The following MYT1L variants were observed in gnomAD, a reference collection of about 807,000 sequenced individuals.
MYT1L encodes the protein myelin transcription factor 1 like.
MYT1L carries 12 observed loss-of-function variants against 126.7 expected under a neutral mutation model. That is an observed-to-expected ratio of 0.09 (90% CI 0.06 to 0.15). The LOEUF (loss-of-function observed/expected upper bound fraction) is 0.15. MYT1L is among the 10% of genes least tolerant of loss of function. The pLI is 1.00. For synonymous variants in MYT1L, 541 were observed against 604.2 expected (o/e 0.90, Z 1.53); for missense variants, 979 against 1,585.2 (o/e 0.62, Z 6.49).
chr2:1,999,027 G>C (rs1471328296), intron 4 of MYT1L, among the ~76,000 whole-genome samples: 1 of 152,212 alleles, frequency 6.6e-6, no homozygotes, highest in East Asian at 1.9e-4. Flanking sequence ...TGTGCGATTA[G>C]ACAGAATGGG....
chr2:2,021,461 C>G (rs2065023113), intron 4 of MYT1L, among the ~76,000 whole-genome samples: 1 of 152,072 alleles, frequency 6.6e-6, no homozygotes, highest in East Asian at 1.9e-4. Flanking sequence ...TCTGTTCTAT[C>G]TGGAAAATAG....
intron 2 of MYT1L, among the ~76,000 whole-genome samples, chr2:2,226,758 C>A (rs1440941381): frequency 6.6e-6 from 1 of 152,122 alleles, no homozygotes; most frequent in Non-Finnish European, 1.5e-5. Context: ...AGCTGCGGTG[C>A]CTCCTCTCCC....
chr2:2,050,293 T>A (rs2068685665), intron 4 of MYT1L, among the ~76,000 whole-genome samples: 1 of 152,188 alleles, frequency 6.6e-6, no homozygotes, highest in African/African-American at 2.4e-5. Context: ...AGAATATAGA[T>A]TTACAGAGTT....
chr2:2,181,027 T>C (rs1373951612), intron 2 of MYT1L, among the ~76,000 whole-genome samples: 4 of 150,272 alleles, frequency 2.7e-5, no homozygotes, highest in Admixed American at 2.7e-4. Flanking sequence ...CCTGTATCTG[T>C]ACCTGCATGT....
chr2:1,840,831 G>A lies in MYT1L; in HGVS notation c.2787C>T (p.Cys929=). The A allele has an allele frequency of 6.5e-7, 1 of 1,550,064 alleles. No individual in the cohort carries two copies. Residue 929 remains cysteine (C), a synonymous_variant, in exon 20 of 25, where the codon TGC becomes TGT. Transcript: ENST00000647738. ...TGATACCACTTTTCTTTGCTCTTGG[G>A]CAACCTGAAAGGCTAAATAAGAAAC... is the stretch of plus-strand genomic sequence containing the variant. ...NYASHRSLSG[C]PRAKKSGIRI... is the part of the protein sequence containing the mutation.
At position 2,279,556 on chromosome 2, in the gene MYT1L, GGAATGAATGAAT is replaced by G. The variant is rs374691207; in HGVS notation, c.-421+4836_-421+4847del. Among the ~76,000 whole-genome samples the G allele has an allele frequency of 3.3e-4, 39 of 119,738 alleles. 1 individual carries two copies. The highest frequency in any genetic ancestry group is 1.1e-3 in the African/African-American group (36 of 32,342). The allele number at this position is 119,738 out of a possible 152,430, so 78.6% of individuals were successfully genotyped here. On this transcript the variant is annotated intron_variant, in intron 2 of 24. Coordinates refer to ENST00000647738, the MANE Select transcript of MYT1L (RefSeq NM_001303052.2). ...AGGAAGGAGAGAGAGAAAGAGAGAAGGAATGAATGAATGAAGGAAGGAAGGAAGGAAGGAAGG... is the reference window on the plus strand; with the variant it reads ...AGGAAGGAGAGAGAGAAAGAGAGAAGGAAGGAAGGAAGGAAGGAAGGAAGG...
chr2:1,854,754 G>T (rs2043692838), intron 18 of MYT1L, among the ~76,000 whole-genome samples: 3 of 152,200 alleles, frequency 2.0e-5, no homozygotes, highest in Admixed American at 2.0e-4. Context: ...CTAGCCGCGT[G>T]AATGAATGTG....
chr2:2,085,774 CA>C (rs1199675758), intron 3 of MYT1L, among the ~76,000 whole-genome samples: 1 of 152,206 alleles, frequency 6.6e-6, no homozygotes, highest in Non-Finnish European at 1.5e-5. Context: ...GATGCTGAAG[CA>C]GCTTGGCTTC....
At chr2:2,114,961 T>C (rs1477409357) in intron 3 of MYT1L, among the ~76,000 whole-genome samples, 1 of 152,182 alleles carries the variant, frequency 6.6e-6, no homozygotes, top group South Asian at 2.1e-4. Flanking sequence ...GGTCCAAAAG[T>C]CCTACCTCCG....
intron 14 of MYT1L, among the ~76,000 whole-genome samples, chr2:1,895,519 C>A (rs539511713): frequency 1.3e-5 from 2 of 152,118 alleles, no homozygotes; most frequent in African/African-American, 4.8e-5. Flanking sequence ...ACACACAGAC[C>A]AATGGAACAC....
intron 9 of MYT1L, among the ~76,000 whole-genome samples, chr2:1,926,060 G>A (rs941187646): frequency 1.4e-4 from 21 of 152,166 alleles, no homozygotes; most frequent in African/African-American, 5.1e-4. Flanking sequence ...AGAGCCTGCC[G>A]TGTGCTTCTA....
At chr2:2,290,994 A>G (rs532809679) in intron 1 of MYT1L, among the ~76,000 whole-genome samples, 3 of 151,830 alleles carry the variant, frequency 2.0e-5, no homozygotes, top group Non-Finnish European at 4.4e-5. Context: ...CATTGACAAC[A>G]CCAGCCCACT....
intron 1 of MYT1L, among the ~76,000 whole-genome samples, chr2:2,308,899 G>A (rs986101202): frequency 6.7e-6 from 1 of 149,806 alleles, no homozygotes; most frequent in Non-Finnish European, 1.5e-5. Flanking sequence ...CTCTCCCTGT[G>A]CTTCAGGATA....
At chr2:2,266,060 A>G (rs1411186235) in intron 2 of MYT1L, among the ~76,000 whole-genome samples, 1 of 152,212 alleles carries the variant, frequency 6.6e-6, no homozygotes, top group East Asian at 1.9e-4. Context: ...ACAGCCCTTC[A>G]CAGCCTGCTG....
chr2:2,127,519 C>A (rs1052617253), intron 3 of MYT1L, among the ~76,000 whole-genome samples: 10 of 152,206 alleles, frequency 6.6e-5, no homozygotes, highest in African/African-American at 2.4e-4. Context: ...ATCTAGAGAT[C>A]CTGCTACCAA....
intron 3 of MYT1L, among the ~76,000 whole-genome samples, chr2:2,152,025 C>A (rs2085880806): frequency 6.6e-6 from 1 of 152,308 alleles, no homozygotes; most frequent in East Asian, 1.9e-4. Context: ...CACCACACTC[C>A]AGCCTGGGTG....
intron 2 of MYT1L, among the ~76,000 whole-genome samples, chr2:2,234,330 T>G (rs907019534): frequency 6.6e-6 from 1 of 152,216 alleles, no homozygotes; most frequent in Non-Finnish European, 1.5e-5. Flanking sequence ...GCCCTGATTA[T>G]AGTCTGCAGA....
intron 1 of MYT1L, among the ~76,000 whole-genome samples, chr2:2,289,262 C>T (rs1573212979): frequency 6.6e-6 from 1 of 152,298 alleles, no homozygotes; most frequent in East Asian, 1.9e-4. Flanking sequence ...AGTTTTATTG[C>T]ATGTTGGCCA....
Position 2,065,848 on chromosome 2 carries a change from G to GCACACA in MYT1L, c.-303-11731_-303-11726dup, listed in dbSNP as rs10678486. Among the ~76,000 whole-genome samples the GCACACA allele has an allele frequency of 9.2e-3, 1,245 of 135,386 alleles. 17 individuals carry two copies. The highest frequency in any genetic ancestry group is 0.032 in the African/African-American group (1,188 of 36,590). The allele number at this position is 135,386 out of a possible 152,430, so 88.8% of individuals were successfully genotyped here. A position where few individuals can be genotyped will look rare whatever the true frequency, so the allele number is the denominator to read the frequency against. ...TACACACACACACACACACACACACGCACACACACACACACACACACAGAG... is the reference window on the plus strand; with the variant it reads ...TACACACACACACACACACACACACGCACACACACACACACACACACACACACAGAG... On this transcript the variant is annotated intron_variant, in intron 3 of 24. Coordinates refer to ENST00000647738, the MANE Select transcript of MYT1L (RefSeq NM_001303052.2).
Sources: gnomAD v4.1 joint callset for allele counts (sites outside exome capture counted in the v4.1 genomes callset) on GRCh38, gnomAD v4.1.1 for gene constraint, MANE v1.5 for transcripts, NCBI Gene and HGNC (gene_info 2026-07-23, HGNC 2026-07-21) for gene names.